VPS13A: variants seen among roughly 807,000 people sequenced by gnomAD.
VPS13A encodes intermembrane lipid transfer protein VPS13A.
In VPS13A, 264 loss-of-function variants were observed where a neutral mutation model predicts 390.9. The ratio of observed to expected loss-of-function variants is 0.68; its 90% CI spans 0.61 to 0.75. The LOEUF (loss-of-function observed/expected upper bound fraction) is 0.75. VPS13A is among the 30% of genes least tolerant of loss of function. VPS13A has a pLI of 0.00. For synonymous variants in VPS13A, 1,231 were observed against 1,227.1 expected (o/e 1.00, Z -0.07); for missense variants, 3,409 against 3,733.9 (o/e 0.91, Z 2.27).
intron 59 of VPS13A, 49 bp downstream of exon 59, chr9:77,360,690 A>G (rs769515557): frequency 7.3e-7 from 1 of 1,365,394 alleles, no homozygotes; most frequent in Non-Finnish European, 1.0e-6. Flanking sequence ...GGGAAAAGAT[A>G]TTATTATAAA....
Position 77,268,531 on chromosome 9 carries a change from C to T in VPS13A, c.2428-4749C>T, listed in dbSNP as rs566967885. On this transcript the variant is annotated intron_variant, in intron 23 of 71. Coordinates refer to ENST00000360280, the MANE Select transcript of VPS13A (RefSeq NM_033305.3). ...GAGCCGGGTACCTCAGTTGGAAATG[C>T]GGAAATCACTGGCCTTCTGCATTGA... Among the ~76,000 whole-genome samples the T allele has an allele frequency of 1.4e-4, 22 of 152,222 alleles. No homozygotes were observed. The South Asian group carries it at 3.7e-3, about 26-fold the overall frequency.
intron 23 of VPS13A, among the ~76,000 whole-genome samples, chr9:77,260,598 G>T (rs1469493924): frequency 6.6e-6 from 1 of 151,790 alleles, no homozygotes; most frequent in African/African-American, 2.4e-5. Context: ...CTTGTGATCT[G>T]CCCGCCTCGG....
intron 46 of VPS13A, among the ~76,000 whole-genome samples, chr9:77,337,010 G>A (rs1830574363): frequency 1.3e-5 from 2 of 151,744 alleles, no homozygotes; most frequent in African/African-American, 4.8e-5. Flanking sequence ...TCTTAGCCAG[G>A]ATGGTCTCAA....
intron 52 of VPS13A, among the ~76,000 whole-genome samples, chr9:77,350,402 C>G (rs1477754902): frequency 1.3e-5 from 2 of 151,954 alleles, no homozygotes; most frequent in Admixed American, 6.6e-5. Context: ...TTTCTATATC[C>G]TAGTTGTTAA....
chr9:77,368,007 C>CT, intron 61 of VPS13A, 48 bp from the exon 62 acceptor site: 1 of 1,494,792 alleles, frequency 6.7e-7, no homozygotes, highest in Non-Finnish European at 9.2e-7. Context: ...ATTAAAAATA[C>CT]TTTCTTCATA....
Position 77,314,509 on chromosome 9 carries a change from T to C in VPS13A, c.4257T>C (p.Asp1419=). 1 of 1,612,246 alleles carries C rather than the reference T, an allele frequency of 6.2e-7. No homozygotes were observed. Among genetic ancestry groups the C allele is most frequent in the Non-Finnish European group, 8.5e-7 (1 of 1,179,296 alleles). The stretch of plus-strand genomic sequence containing the variant: ...TCCTTTCATAGGCTTCCTTTACAGA[T>C]GTTCGTGATCCTTCTCTGAAACTTG... ...SPGPKQASFT[D]VRDPSLKLAE... is the part of the protein sequence containing the mutation. The change falls in exon 37 of 72, where the codon GAT becomes GAC. Residue 1419 remains aspartate (D), a synonymous_variant. Coordinates refer to ENST00000360280, the MANE Select transcript of VPS13A (RefSeq NM_033305.3).
intron 1 of VPS13A, among the ~76,000 whole-genome samples, chr9:77,188,174 C>T (rs1393751705): frequency 6.6e-6 from 1 of 152,170 alleles, no homozygotes; most frequent in African/African-American, 2.4e-5. Context: ...TGATTGAAAG[C>T]TTCCTGCGTC....
chr9:77,315,493 T>C, intron 38 of VPS13A, 23 bp downstream of exon 38: 1 of 1,604,128 alleles, frequency 6.2e-7, no homozygotes, highest in Non-Finnish European at 8.5e-7. Context: ...CTAAAATATT[T>C]AATATTTGTT....
intron 46 of VPS13A, among the ~76,000 whole-genome samples, chr9:77,335,285 A>G (rs1341758466): frequency 6.6e-6 from 1 of 152,350 alleles, no homozygotes; most frequent in East Asian, 1.9e-4. Context: ...ACCATGTGAC[A>G]ACCAATAATT....
chr9:77,415,912 A>C, intron 71 of VPS13A, 44 bp from the exon 72 acceptor site: 1 of 1,609,010 alleles, frequency 6.2e-7, no homozygotes, highest in Non-Finnish European at 8.5e-7. Context: ...TTTCATTACA[A>C]GTTCACTGAA....
chr9:77,306,117 G>A (rs999495827), intron 34 of VPS13A, among the ~76,000 whole-genome samples: 1 of 152,052 alleles, frequency 6.6e-6, no homozygotes, highest in Non-Finnish European at 1.5e-5. Context: ...AAGAATGAAG[G>A]AATGAAAGCT....
intron 68 of VPS13A, among the ~76,000 whole-genome samples, chr9:77,400,149 G>A (rs1294542573): frequency 1.3e-5 from 2 of 150,182 alleles, no homozygotes; most frequent in African/African-American, 5.0e-5. Context: ...TGCTGACTCA[G>A]AGGGTATGTT....
intron 23 of VPS13A, among the ~76,000 whole-genome samples, chr9:77,272,736 A>G (rs1326791950): frequency 6.6e-6 from 1 of 152,188 alleles, no homozygotes; most frequent in East Asian, 1.9e-4. Flanking sequence ...TCCGGGAGGA[A>G]CACATAAGAA....
intron 71 of VPS13A, among the ~76,000 whole-genome samples, chr9:77,412,347 A>AT (rs2131669236): frequency 6.6e-6 from 1 of 152,330 alleles, no homozygotes; most frequent in African/African-American, 2.4e-5. Context: ...AATCCTCAAT[A>AT]AATTACTGGC....
In VPS13A at chr9:77,345,028, A is replaced by C; in HGVS notation, c.7175A>C (p.Glu2392Ala). 1 of 1,612,616 alleles carries C rather than the reference A, an allele frequency of 6.2e-7. No homozygotes were observed. The highest frequency in any genetic ancestry group is 8.5e-7 in the Non-Finnish European group (1 of 1,179,856). ...TTCTAGCTTGGAGGTATTATAGCAGAAGTGAATTTGGCCGAGCATTCTACA... is the reference window on the plus strand; with the variant it reads ...TTCTAGCTTGGAGGTATTATAGCAGCAGTGAATTTGGCCGAGCATTCTACA... Reference protein sequence around the residue: ...LDNELGGIIAEVNLAEHSTVI... With the variant: ...LDNELGGIIAAVNLAEHSTVI... The change falls in exon 52 of 72, where the codon GAA (glutamate) becomes GCA (alanine). Residue 2392 changes from glutamate to alanine, a missense_variant. Transcript: ENST00000360280.
chr9:77,414,272 A>G (rs1263319865), intron 71 of VPS13A, among the ~76,000 whole-genome samples: 2 of 152,234 alleles, frequency 1.3e-5, no homozygotes, highest in East Asian at 1.9e-4. Context: ...TCATGCTGCT[A>G]TAAAGACACA....
At chr9:77,239,901 T>G (rs969125643) in intron 19 of VPS13A, among the ~76,000 whole-genome samples, 1 of 151,986 alleles carries the variant, frequency 6.6e-6, no homozygotes, top group Non-Finnish European at 1.5e-5. Context: ...TATACATTTT[T>G]GTAAAAATAT....
rs572823514 is a variant in VPS13A at position 77,292,854 on chromosome 9, A to G, written c.3340-487A>G. On this transcript the variant is annotated intron_variant, in intron 31 of 71. Coordinates refer to ENST00000360280, the MANE Select transcript of VPS13A (RefSeq NM_033305.3). ...TTGGCAATTAAGATGGCCCTTTACA[A>G]TCTGATAAGGAACAGAAGTATAGCA... Among the ~76,000 whole-genome samples the G allele has an allele frequency of 4.6e-5, 7 of 152,210 alleles. No homozygotes were observed. The South Asian group carries it at 6.2e-4, about 14-fold the overall frequency.
intron 43 of VPS13A, 78 bp downstream of exon 43, chr9:77,321,405 A>G (rs1026586572): frequency 4.4e-6 from 7 of 1,583,178 alleles, no homozygotes; most frequent in Admixed American, 1.7e-5. Context: ...AAGTTTAATA[A>G]CTTAGTTGTC....
Sources: gnomAD v4.1 joint callset for allele counts (sites outside exome capture counted in the v4.1 genomes callset) on GRCh38, gnomAD v4.1.1 for gene constraint, MANE v1.5 for transcripts, NCBI Gene and HGNC (gene_info 2026-07-23, HGNC 2026-07-21) for gene names.